Variants in ASIC2 observed in about 807,000 individuals in gnomAD.
ASIC2 encodes the protein acid sensing ion channel subunit 2, also known as acid-sensing ion channel 2.
Under a neutral mutation model 57.3 loss-of-function variants are expected in ASIC2, and 25 were observed. That is an observed-to-expected ratio of 0.44 (90% CI 0.32 to 0.61). The LOEUF is 0.61. Among genes scored for constraint, ASIC2 ranks in the 20% least tolerant of loss-of-function variants. ASIC2 has a pLI of 0.06. For synonymous variants in ASIC2, 319 were observed against 307.5 expected (o/e 1.04, Z -0.39); for missense variants, 641 against 738.1 (o/e 0.87, Z 1.52).
At chr17:33,403,735 A>G (rs1020902911) in intron 1 of ASIC2, among the ~76,000 whole-genome samples, 3 of 152,200 alleles carry the variant, frequency 2.0e-5, no homozygotes, top group African/African-American at 7.2e-5. Flanking sequence ...TCATCATTTG[A>G]CATTACCCTT....
intron 1 of ASIC2, among the ~76,000 whole-genome samples, chr17:33,265,255 C>T (rs1430158063): frequency 6.6e-6 from 1 of 152,202 alleles, no homozygotes; most frequent in Non-Finnish European, 1.5e-5. Flanking sequence ...ATGGAATCAA[C>T]CCAAATGACC....
intron 1 of ASIC2, among the ~76,000 whole-genome samples, chr17:33,432,871 T>A (rs1911468232): frequency 6.6e-6 from 1 of 152,112 alleles, no homozygotes; most frequent in Non-Finnish European, 1.5e-5. Context: ...TCACACCAGT[T>A]AGAATGGCTA....
chr17:34,037,491 A>G (rs1175412056), intron 1 of ASIC2: 5 of 1,081,116 alleles, frequency 4.6e-6, no homozygotes, highest in Non-Finnish European at 6.5e-6. Context: ...ATGGGAAAAA[A>G]GCAAGAAAAT....
intron 1 of ASIC2, among the ~76,000 whole-genome samples, chr17:33,498,744 G>A (rs915826632): frequency 1.3e-5 from 2 of 152,170 alleles, no homozygotes; most frequent in African/African-American, 4.8e-5. Flanking sequence ...CGTGGAAAGT[G>A]CTGCAATGAA....
rs1910704698 is a variant in ASIC2 at position 34,099,221 on chromosome 17, A to AG, written c.555+56756dup. 1.9e-5 allele frequency among the ~76,000 whole-genome samples: 2 copies of AG among 103,956 alleles called. 1 individual carries two copies. Among genetic ancestry groups the AG allele is most frequent in the African/African-American group, 1.2e-4 (2 of 17,226 alleles). 68.2% of individuals were successfully genotyped at this position (103,956 alleles called of 152,430 possible). A position where few individuals can be genotyped will look rare whatever the true frequency, so the allele number is the denominator to read the frequency against. Reference sequence around the variant, plus strand: ...GAAAGAAAGAAAGAAAGGAAAGAAAAGAAAGAAAAAAGAAAGAGAGAAAGG... The same window carrying AG: ...GAAAGAAAGAAAGAAAGGAAAGAAAAGGAAAGAAAAAAGAAAGAGAGAAAGG... On this transcript the variant is annotated intron_variant, in intron 1 of 9. Transcript: ENST00000359872.
chr17:33,082,808 C>T (rs2092118503), intron 3 of ASIC2, among the ~76,000 whole-genome samples: 1 of 152,126 alleles, frequency 6.6e-6, no homozygotes, highest in African/African-American at 2.4e-5. Context: ...TTGGTGCTGT[C>T]CCCATACCGC....
chr17:33,685,161 A>T (rs535059724), intron 1 of ASIC2, among the ~76,000 whole-genome samples: 1 of 152,136 alleles, frequency 6.6e-6, no homozygotes, highest in Admixed American at 6.5e-5. Flanking sequence ...ACACGGATGG[A>T]GGTCAGATTT....
chr17:33,978,386 G>A (rs1443194012), intron 1 of ASIC2, among the ~76,000 whole-genome samples: 1 of 152,206 alleles, frequency 6.6e-6, no homozygotes, highest in African/African-American at 2.4e-5. Flanking sequence ...GGGCCAGACT[G>A]CCCCGTCAAG....
chr17:33,238,911 G>A (rs1908397189), intron 1 of ASIC2, among the ~76,000 whole-genome samples: 1 of 151,964 alleles, frequency 6.6e-6, no homozygotes, highest in South Asian at 2.1e-4. Flanking sequence ...GGCTGAGGAT[G>A]GAAAATCATT....
intron 1 of ASIC2, among the ~76,000 whole-genome samples, chr17:33,640,263 G>A (rs576682966): frequency 1.3e-5 from 2 of 152,268 alleles, no homozygotes; most frequent in East Asian, 3.9e-4. Context: ...TTTTGGGGGT[G>A]CAAGATATCT....
chr17:33,151,203 G>GCA (rs551421372), intron 1 of ASIC2, among the ~76,000 whole-genome samples: 2 of 142,078 alleles, frequency 1.4e-5, no homozygotes, highest in South Asian at 4.7e-4. Flanking sequence ...ACACACACGC[G>GCA]CGCACACACA....
chr17:33,725,198 T>C (rs1041149434), intron 1 of ASIC2, among the ~76,000 whole-genome samples: 1 of 152,244 alleles, frequency 6.6e-6, no homozygotes, highest in Non-Finnish European at 1.5e-5. Flanking sequence ...GGTGGATGAC[T>C]GTCAGGACAA....
intron 1 of ASIC2, among the ~76,000 whole-genome samples, chr17:34,032,830 G>A (rs572794897): frequency 6.6e-6 from 1 of 152,298 alleles, no homozygotes; most frequent in East Asian, 1.9e-4. Context: ...AAATATATAT[G>A]CGCCCAGTAC....
intron 1 of ASIC2, among the ~76,000 whole-genome samples, chr17:33,207,387 A>T (rs1164721778): frequency 6.6e-6 from 1 of 152,248 alleles, no homozygotes; most frequent in African/African-American, 2.4e-5. Context: ...TCTAAAGTCT[A>T]TACCCACAAT....
intron 1 of ASIC2, among the ~76,000 whole-genome samples, chr17:34,091,958 G>A (rs1319144741): frequency 1.3e-5 from 2 of 152,152 alleles, no homozygotes; most frequent in African/African-American, 2.4e-5. Context: ...GGATGAAAAG[G>A]GAAGACATTA....
chr17:33,330,629 T>C (rs1282307179), intron 1 of ASIC2, among the ~76,000 whole-genome samples: 1 of 152,142 alleles, frequency 6.6e-6, no homozygotes, highest in Non-Finnish European at 1.5e-5. Context: ...CGACTCTAAG[T>C]CCATGCTCTT....
At chr17:33,756,445 G>A (rs1348412716) in intron 1 of ASIC2, among the ~76,000 whole-genome samples, 1 of 152,220 alleles carries the variant, frequency 6.6e-6, no homozygotes, top group Non-Finnish European at 1.5e-5. Flanking sequence ...CTAGGGAGGG[G>A]ACCTGTTTCA....
At chr17:33,581,755 A>C (rs530560435) in intron 1 of ASIC2, among the ~76,000 whole-genome samples, 1 of 152,314 alleles carries the variant, frequency 6.6e-6, no homozygotes, top group South Asian at 2.1e-4. Context: ...TATGCGATGA[A>C]GGGATGGTCC....
intron 3 of ASIC2, among the ~76,000 whole-genome samples, chr17:33,076,909 G>A (rs2092091029): frequency 6.6e-6 from 1 of 152,182 alleles, no homozygotes; most frequent in South Asian, 2.1e-4. Context: ...ATGTTGTTTG[G>A]TGTACATGAG....
Sources: allele counts gnomAD v4.1 joint callset (sites outside exome capture counted in the v4.1 genomes callset), GRCh38; gene constraint gnomAD v4.1.1; transcripts MANE v1.5; gene names NCBI Gene and HGNC (gene_info 2026-07-23, HGNC 2026-07-21).